Variants in LLPH observed in about 807,000 individuals in gnomAD.
LLPH encodes protein LLP homolog.
LLPH carries 5 observed loss-of-function variants against 13.3 expected under a neutral mutation model. The ratio of observed to expected loss-of-function variants is 0.38; its 90% CI spans 0.20 to 0.79. The LOEUF (loss-of-function observed/expected upper bound fraction) is 0.79, where lower values mean the gene tolerates loss of function less well. Ranked by LOEUF, LLPH falls within the 30% of genes least tolerant of loss-of-function variation. LLPH has a pLI of 0.45. For missense variants in LLPH, 129 were observed against 152.1 expected (o/e 0.85, Z 0.80); for synonymous variants, 32 against 44.2 (o/e 0.72, Z 1.09).
intron 1 of LLPH, among the ~76,000 whole-genome samples, chr12:66,129,969 C>T (rs1226737099): frequency 6.6e-6 from 1 of 152,140 alleles, no homozygotes; most frequent in African/African-American, 2.4e-5. Flanking sequence ...CCTCCTCCCT[C>T]ATATATATTC....
chr12:66,124,156 G>C, intron 2 of LLPH, 138 bp from the exon 3 acceptor site: 3 of 587,554 alleles, frequency 5.1e-6, no homozygotes, highest in Non-Finnish European at 8.9e-6. Flanking sequence ...ACTTTATAAA[G>C]AATGTTGGCA....
At chr12:66,128,761 G>C (rs755565172) in intron 2 of LLPH, 135 bp downstream of exon 2, 4 of 650,752 alleles carry the variant, frequency 6.1e-6, no homozygotes, top group Non-Finnish European at 1.1e-5. Context: ...GGAAGAATCC[G>C]CTTCAGCTCA....
chr12:66,119,561 C>T lies in LLPH; in HGVS notation c.*4279G>A, dbSNP rs1475831971. ...TACTGCAACAGTGTTTTTATTAATA[C>T]ATGCAGGCAAATAGAGGGAAAAAGA... On this transcript the variant is annotated 3_prime_UTR_variant, in exon 3 of 3. Coordinates refer to ENST00000266604, the MANE Select transcript of LLPH (RefSeq NM_032338.4). The T allele has an allele frequency of 6.6e-6, 1 of 152,180 alleles. No individual in the cohort carries two copies. Among genetic ancestry groups the T allele is most frequent in the African/African-American group, 2.4e-5 (1 of 41,450 alleles). The allele number at this position is 152,180 out of a possible 1,614,324, so 9.4% of individuals were successfully genotyped here.
At chr12:66,127,490 T>G (rs1355319058) in intron 2 of LLPH, among the ~76,000 whole-genome samples, 2 of 151,424 alleles carry the variant, frequency 1.3e-5, no homozygotes, top group Admixed American at 1.3e-4. Flanking sequence ...AGCATATTAG[T>G]GGTTGCCAGA....
Position 66,123,499 on chromosome 12 carries a change from T to C in LLPH, c.*341A>G, listed in dbSNP as rs994638662. 2 of 217,772 alleles carry C rather than the reference T, an allele frequency of 9.2e-6. No homozygotes were observed. The highest frequency in any genetic ancestry group is 4.6e-5 in the African/African-American group (2 of 43,852). The allele number at this position is 217,772 out of a possible 1,614,324, so 13.5% of individuals were successfully genotyped here. On this transcript the variant is annotated 3_prime_UTR_variant, in exon 3 of 3. Transcript: ENST00000266604. ...ATCTAAGTTCACAAAAATTTGTCAG[T>C]ACATCATCTGTTTTATCTCTATTGA...
At chr12:66,127,300 G>A (rs1188016163) in intron 2 of LLPH, among the ~76,000 whole-genome samples, 3 of 152,212 alleles carry the variant, frequency 2.0e-5, no homozygotes, top group Non-Finnish European at 4.4e-5. Flanking sequence ...GATATGAAAC[G>A]TGGTACATGC....
rs1460325395 is a variant in LLPH, at chr12:66,122,784, A to T, written c.*1056T>A. On this transcript the variant is annotated 3_prime_UTR_variant, in exon 3 of 3. Coordinates refer to ENST00000266604, the MANE Select transcript of LLPH (RefSeq NM_032338.4). ...TCCCAAATCGATGTGAACACAATTT[A>T]TTTTTTTTAACCAAGCATCCAGAGG... 4.0e-5 allele frequency: 6 copies of T among 149,298 alleles called. No homozygotes were observed. The East Asian group carries it at 1.6e-3, about 40-fold the overall frequency. 9.2% of individuals were successfully genotyped at this position (149,298 alleles called of 1,614,324 possible). A position where few individuals can be genotyped will look rare whatever the true frequency, so the allele number is the denominator to read the frequency against.
intron 2 of LLPH, among the ~76,000 whole-genome samples, chr12:66,126,574 C>T (rs1483829147): frequency 1.3e-5 from 2 of 152,006 alleles, no homozygotes; most frequent in South Asian, 2.1e-4. Context: ...AATTGAAAAA[C>T]GAGGCAAAAG....
rs2051451108 is a variant in LLPH, at chr12:66,119,706, A to C, written c.*4134T>G. On this transcript the variant is annotated 3_prime_UTR_variant, in exon 3 of 3. Transcript: ENST00000266604. ...TCTGCATTTCTATTGTAGTATTTATAAATTTGGCAATGCCTTAGATTCCTC... is the reference window on the plus strand; with the variant it reads ...TCTGCATTTCTATTGTAGTATTTATCAATTTGGCAATGCCTTAGATTCCTC... The C allele has an allele frequency of 6.6e-6, 1 of 152,244 alleles. No homozygotes were observed. Among genetic ancestry groups the C allele is most frequent in the Non-Finnish European group, 1.5e-5 (1 of 68,046 alleles). 9.4% of individuals were successfully genotyped at this position (152,244 alleles called of 1,614,324 possible). A position where few individuals can be genotyped will look rare whatever the true frequency, so the allele number is the denominator to read the frequency against.
chr12:66,125,214 G>A (rs893963361), intron 2 of LLPH, among the ~76,000 whole-genome samples: 9 of 152,206 alleles, frequency 5.9e-5, no homozygotes, highest in South Asian at 2.1e-4. Flanking sequence ...GAACAAGAGC[G>A]GAAGAGAGAA....
At position 66,117,274 on chromosome 12, in the gene LLPH, A is replaced by T. The variant is rs1227500104; in HGVS notation, c.*6566T>A. The stretch of plus-strand genomic sequence containing the variant: ...ATCATTATTCCCTAAATACAGTATA[A>T]CAACTATTTACATAGCATTTTCATT... On this transcript the variant is annotated 3_prime_UTR_variant, in exon 3 of 3. Transcript: ENST00000266604. 1 of 152,248 alleles carries T rather than the reference A, an allele frequency of 6.6e-6. No homozygotes were observed. Among genetic ancestry groups the T allele is most frequent in the Non-Finnish European group, 1.5e-5 (1 of 68,040 alleles). 9.4% of individuals were successfully genotyped at this position (152,248 alleles called of 1,614,324 possible). A position where few individuals can be genotyped will look rare whatever the true frequency, so the allele number is the denominator to read the frequency against.
At chr12:66,128,263 T>C (rs938319015) in intron 2 of LLPH, among the ~76,000 whole-genome samples, 2 of 152,218 alleles carry the variant, frequency 1.3e-5, no homozygotes, top group Non-Finnish European at 2.9e-5. Context: ...TGTATTTCTA[T>C]TTTAAAGTCT....
At chr12:66,128,690 C>T (rs889404314) in intron 2 of LLPH, among the ~76,000 whole-genome samples, 3 of 151,542 alleles carry the variant, frequency 2.0e-5, no homozygotes, top group Non-Finnish European at 4.4e-5. Context: ...TTAAATGAAG[C>T]GCAGAGGGGC....
At chr12:66,126,969 A>G (rs2051501434) in intron 2 of LLPH, among the ~76,000 whole-genome samples, 1 of 152,050 alleles carries the variant, frequency 6.6e-6, no homozygotes, top group South Asian at 2.1e-4. Context: ...AAACCAAAAA[A>G]CACTTCATTC....
chr12:66,128,846 C>CT (rs1224218172), intron 2 of LLPH, 50 bp downstream of exon 2: 5 of 1,100,816 alleles, frequency 4.5e-6, no homozygotes, highest in Non-Finnish European at 6.5e-6. Context: ...GAGACCCTGC[C>CT]TCAAAAAAAA....
rs1361923058 is a variant in LLPH at position 66,119,540 on chromosome 12, G to C, written c.*4300C>G. 6.6e-6 allele frequency: 1 copy of C among 152,130 alleles called. No individual in the cohort carries two copies. Among genetic ancestry groups the C allele is most frequent in the South Asian group, 2.1e-4 (1 of 4,820 alleles). The allele number at this position is 152,130 out of a possible 1,614,324, so 9.4% of individuals were successfully genotyped here. A position where few individuals can be genotyped will look rare whatever the true frequency, so the allele number is the denominator to read the frequency against. On this transcript the variant is annotated 3_prime_UTR_variant, in exon 3 of 3. Transcript: ENST00000266604. ...CTTGTAAAATTGGTATGTGTCTACT[G>C]CAACAGTGTTTTTATTAATACATGC... is the stretch of plus-strand genomic sequence containing the variant.
rs1396416353 is a variant in LLPH, at chr12:66,117,368, T to C, written c.*6472A>G. 1 of 152,204 alleles carries C rather than the reference T, an allele frequency of 6.6e-6. No homozygotes were observed. The highest frequency in any genetic ancestry group is 2.4e-5 in the African/African-American group (1 of 41,460). 9.4% of individuals were successfully genotyped at this position (152,204 alleles called of 1,614,324 possible). A position where few individuals can be genotyped will look rare whatever the true frequency, so the allele number is the denominator to read the frequency against. On this transcript the variant is annotated 3_prime_UTR_variant, in exon 3 of 3. Transcript: ENST00000266604. The stretch of plus-strand genomic sequence containing the variant: ...TTGCATGATGACATTTCAGTCAATA[T>C]AGGCAGTGGTCCCATAAGATTACAG...
intron 2 of LLPH, among the ~76,000 whole-genome samples, chr12:66,128,542 A>G (rs545719490): frequency 3.2e-4 from 48 of 152,288 alleles, no homozygotes; most frequent in Non-Finnish European, 6.0e-4. Context: ...CAACCAGAGT[A>G]TGCCTAGATT....
At position 66,129,100 on chromosome 12, in the gene LLPH, T is replaced by C; in HGVS notation, c.7A>G (p.Lys3Glu). The C allele has an allele frequency of 6.2e-7, 1 of 1,608,300 alleles. No homozygotes were observed. The highest frequency in any genetic ancestry group is 8.5e-7 in the Non-Finnish European group (1 of 1,177,564). Residue 3 changes from lysine (K) to glutamate (E), a missense_variant, in exon 2 of 3, where the codon AAA (lysine) becomes GAA (glutamate). By Grantham distance (56) the Lys-to-Glu change is moderately conservative. Transcript: ENST00000266604. ...CTTTTCCACTTACTCCGTAAGCTTT[T>C]AGCCATGTTTTACCTGAAGTTAACA... MA[K>E]SLRSKWKRKM... is the part of the protein sequence containing the mutation.
Sources: allele counts gnomAD v4.1 joint callset (sites outside exome capture counted in the v4.1 genomes callset), GRCh38; gene constraint gnomAD v4.1.1; transcripts MANE v1.5; gene names NCBI Gene and HGNC (gene_info 2026-07-23, HGNC 2026-07-21).